The following PCMT1 variants were observed in gnomAD, a reference collection of about 807,000 sequenced individuals.
The protein encoded by PCMT1 is protein-L-isoaspartate(D-aspartate) O-methyltransferase.
PCMT1 carries 9 observed loss-of-function variants against 29.2 expected under a neutral mutation model. The observed-to-expected ratio is 0.31, with a 90% confidence interval of 0.19 to 0.54. PCMT1 has a LOEUF of 0.54. PCMT1 is among the 20% of genes least tolerant of loss of function. PCMT1 has a pLI of 0.95. For synonymous variants in PCMT1, 98 were observed against 97.5 expected (o/e 1.00, Z -0.03); for missense variants, 184 against 282.2 (o/e 0.65, Z 2.49).
At chr6:149,783,440 T>G (rs1787896132) in intron 3 of PCMT1, among the ~76,000 whole-genome samples, 1 of 152,128 alleles carries the variant, frequency 6.6e-6, no homozygotes. Flanking sequence ...CCACATGTTA[T>G]TAATTATAAA....
intron 7 of PCMT1, 146 bp from the exon 8 acceptor site, chr6:149,810,470 G>A (rs904338725): frequency 1.8e-5 from 10 of 567,474 alleles, no homozygotes; most frequent in South Asian, 5.5e-5. Context: ...GCTTTCACTT[G>A]GGTTGTTTGC....
intron 1 of PCMT1, among the ~76,000 whole-genome samples, chr6:149,767,395 C>G (rs896199510): frequency 2.0e-5 from 3 of 151,798 alleles, no homozygotes; most frequent in African/African-American, 7.3e-5. Context: ...CACTTTCTTT[C>G]CTTGAATTTC....
rs1787488739 is a variant in PCMT1 at position 149,774,770 on chromosome 6, C to G, written c.192+1601C>G. 3.4e-5 allele frequency among the ~76,000 whole-genome samples: 5 copies of G among 147,030 alleles called. No homozygotes were observed. The South Asian group carries it at 1.1e-3, about 32-fold the overall frequency. ...GGCCCAGGCTGGAGTGCAGTGGCGC[C>G]ATCTTGGCTCACTGCAAGCTCCGCC... On this transcript the variant is annotated intron_variant, in intron 3 of 7. Transcript: ENST00000464889.
At chr6:149,789,882 G>T in intron 3 of PCMT1, 72 bp from the exon 4 acceptor site, 1 of 991,260 alleles carries the variant, frequency 1.0e-6, no homozygotes, top group Non-Finnish European at 1.4e-6. Flanking sequence ...TTGGTAGAAA[G>T]TTGGCAACTT....
chr6:149,799,271 A>G (rs1361394059), intron 6 of PCMT1: 1 of 152,194 alleles, frequency 6.6e-6, no homozygotes, highest in Non-Finnish European at 1.5e-5. Context: ...CCATGATTGC[A>G]CCACTGTATT....
At chr6:149,762,651 A>ATATATCTATGATATATATATATC (rs68191825) in intron 1 of PCMT1, among the ~76,000 whole-genome samples, 1 of 3,272 alleles carries the variant, frequency 3.1e-4, no homozygotes, top group Non-Finnish European at 4.1e-4. Flanking sequence ...TATGATATAT[A>ATATATCTATGATATATATATATC]TATGATATAT....
chr6:149,758,963 A>G (rs1288777771), intron 1 of PCMT1, among the ~76,000 whole-genome samples: 1 of 151,840 alleles, frequency 6.6e-6, no homozygotes. Flanking sequence ...GACAACCTCC[A>G]CCTTGTGGGT....
At chr6:149,764,449 TA>T (rs954596189) in intron 1 of PCMT1, among the ~76,000 whole-genome samples, 3 of 151,372 alleles carry the variant, frequency 2.0e-5, no homozygotes, top group Non-Finnish European at 4.4e-5. Flanking sequence ...TTTAAAACTT[TA>T]AAAAAAAATG....
chr6:149,752,128 C>G (rs1203257105), intron 1 of PCMT1, among the ~76,000 whole-genome samples: 2 of 145,822 alleles, frequency 1.4e-5, no homozygotes, highest in African/African-American at 5.0e-5. Flanking sequence ...ATTTGTTGGA[C>G]TCAGGCTCCC....
At chr6:149,803,018 A>ACTC (rs1554256910) in intron 7 of PCMT1, among the ~76,000 whole-genome samples, 3 of 138,090 alleles carry the variant, frequency 2.2e-5, no homozygotes, top group Non-Finnish European at 4.6e-5. Flanking sequence ...TTGACACTGC[A>ACTC]CTCCAGCCTG....
chr6:149,807,850 T>C (rs1369304922), intron 7 of PCMT1, among the ~76,000 whole-genome samples: 1 of 152,240 alleles, frequency 6.6e-6, no homozygotes, highest in Non-Finnish European at 1.5e-5. Flanking sequence ...CTGACAGTAT[T>C]GGTGCTAAGG....
At chr6:149,799,071 G>A (rs1336912120) in intron 6 of PCMT1, 1 of 152,218 alleles carries the variant, frequency 6.6e-6, no homozygotes, top group Non-Finnish European at 1.5e-5. Context: ...TCAGCAGTTT[G>A]GGAGGCCAAG....
At chr6:149,778,718 C>G (rs1318304430) in intron 3 of PCMT1, among the ~76,000 whole-genome samples, 3 of 151,728 alleles carry the variant, frequency 2.0e-5, no homozygotes, top group Non-Finnish European at 4.4e-5. Context: ...AAAACATTTT[C>G]TGTAGAGATG....
rs577202214 is a variant in PCMT1 at position 149,794,505 on chromosome 6, C to T, written c.418+836C>T. Among the ~76,000 whole-genome samples, 7 of 152,284 alleles carry T rather than the reference C, an allele frequency of 4.6e-5. No homozygotes were observed. In the South Asian group the frequency reaches 1.4e-3, roughly 32 times the overall value. On this transcript the variant is annotated intron_variant, in intron 5 of 7. Coordinates refer to ENST00000464889, the MANE Select transcript of PCMT1 (RefSeq NM_001360452.2). ...TGGTGGCGCACGCCTGTAGTCCTAG[C>T]TACTCGGGAGGCTGAGGCAGGAGAA...
intron 5 of PCMT1, chr6:149,794,745 C>T: frequency 2.2e-6 from 1 of 461,146 alleles, no homozygotes; most frequent in African/African-American, 2.0e-5. Flanking sequence ...CCTGTGTGGA[C>T]ACTGAAAGGG....
Position 149,792,821 on chromosome 6 carries a change from A to G in PCMT1, c.298-728A>G, listed in dbSNP as rs1788425626. On this transcript the variant is annotated intron_variant, in intron 4 of 7. Coordinates refer to ENST00000464889, the MANE Select transcript of PCMT1 (RefSeq NM_001360452.2). ...GGTGTGAGCCACTGTATATATTTTC[A>G]TGTTTTCTACTAAAAGCAGTAGAAA... Among the ~76,000 whole-genome samples, 4 of 152,132 alleles carry G rather than the reference A, an allele frequency of 2.6e-5. No homozygotes were observed. In the South Asian group the frequency reaches 6.2e-4, roughly 24 times the overall value.
chr6:149,802,927 C>T (rs1775882980), intron 7 of PCMT1, among the ~76,000 whole-genome samples: 1 of 151,732 alleles, frequency 6.6e-6, no homozygotes, highest in Non-Finnish European at 1.5e-5. Flanking sequence ...ATGGCACAGG[C>T]CTGTAATCCC....
At chr6:149,782,243 AATTGT>A in intron 3 of PCMT1, among the ~76,000 whole-genome samples, 1 of 152,266 alleles carries the variant, frequency 6.6e-6, no homozygotes, top group African/African-American at 2.4e-5. Context: ...AAATATTTTT[AATTGT>A]ATTATATGAA....
At chr6:149,795,476 A>T (rs149446216) in intron 5 of PCMT1, 129 of 398,538 alleles carry the variant, frequency 3.2e-4, no homozygotes, top group Admixed American at 5.3e-4. Context: ...GAGTAACACT[A>T]TATTTGTTGT....
Sources: gnomAD v4.1 joint callset for allele counts (sites outside exome capture counted in the v4.1 genomes callset) on GRCh38, gnomAD v4.1.1 for gene constraint, MANE v1.5 for transcripts, NCBI Gene and HGNC (gene_info 2026-07-23, HGNC 2026-07-21) for gene names.